The following TANC1 variants were observed in gnomAD, a reference collection of about 807,000 sequenced individuals.
TANC1 encodes the protein protein TANC1.
A neutral mutation model predicts 149.7 loss-of-function variants in TANC1; 77 were observed. The ratio of observed to expected loss-of-function variants is 0.51; its 90% CI spans 0.43 to 0.62. TANC1 has a LOEUF of 0.62. Ranked by LOEUF, TANC1 falls within the 20% of genes least tolerant of loss-of-function variation. The pLI, the probability that TANC1 is intolerant of heterozygous loss-of-function variation, is 0.00. For missense variants in TANC1, 1,985 were observed against 2,321.8 expected (o/e 0.85, Z 2.98); for synonymous variants, 854 against 925.0 (o/e 0.92, Z 1.39).
chr2:159,018,283 G>T (rs1007472970), intron 2 of TANC1, among the ~76,000 whole-genome samples: 1 of 152,108 alleles, frequency 6.6e-6, no homozygotes, highest in Admixed American at 6.5e-5. Context: ...CGAAAAGGAA[G>T]CCCACTGTTC....
At chr2:159,024,747 T>A (rs1449387158) in intron 2 of TANC1, among the ~76,000 whole-genome samples, 3 of 149,398 alleles carry the variant, frequency 2.0e-5, no homozygotes, top group Non-Finnish European at 3.0e-5. Context: ...CAAGACTTCA[T>A]CTCAAAAAAA....
At chr2:159,146,556 T>TC (rs1471735741) in intron 5 of TANC1, among the ~76,000 whole-genome samples, 1 of 146,234 alleles carries the variant, frequency 6.8e-6, no homozygotes, top group African/African-American at 2.6e-5. Flanking sequence ...TTTTTTTTTT[T>TC]TGGAGACAGA....
intron 2 of TANC1, among the ~76,000 whole-genome samples, chr2:159,029,026 G>T (rs560125580): frequency 4.6e-5 from 7 of 152,264 alleles, no homozygotes; most frequent in African/African-American, 1.7e-4. Flanking sequence ...AAAGTGTTGG[G>T]ATTACAGGTG....
At chr2:159,077,240 A>G (rs1048143132) in intron 3 of TANC1, among the ~76,000 whole-genome samples, 6 of 152,180 alleles carry the variant, frequency 3.9e-5, no homozygotes, top group Non-Finnish European at 5.9e-5. Context: ...AATTTTTTGT[A>G]GAGGTGGGGT....
At chr2:159,137,004 G>A (rs777408560) in intron 5 of TANC1, among the ~76,000 whole-genome samples, 10 of 152,084 alleles carry the variant, frequency 6.6e-5, no homozygotes, top group Non-Finnish European at 1.5e-5. Context: ...CCTTTAATTT[G>A]GGTGTTTTGA....
rs1553559680 is a variant in TANC1, at chr2:159,116,454, C to CAACAACAACA, written c.259+18622_259+18623insCAACAACAAA. Among the ~76,000 whole-genome samples the CAACAACAACA allele has an allele frequency of 4.1e-4, 57 of 140,460 alleles. 2 individuals carry two copies. In the South Asian group the frequency reaches 4.4e-3, roughly 11 times the overall value. The allele number at this position is 140,460 out of a possible 152,430, so 92.1% of individuals were successfully genotyped here. A position where few individuals can be genotyped will look rare whatever the true frequency, so the allele number is the denominator to read the frequency against. Reference sequence around the variant, plus strand: ...AAAACAACAACAACAACAACAACAACAAAAAAAAAAAAACAAAGGACCTGT... The same window carrying CAACAACAACA: ...AAAACAACAACAACAACAACAACAACAACAACAACAAAAAAAAAAAAAACAAAGGACCTGT... On this transcript the variant is annotated intron_variant, in intron 4 of 26. Transcript: ENST00000263635.
At chr2:159,006,634 T>C (rs1574076072) in intron 2 of TANC1, among the ~76,000 whole-genome samples, 3 of 152,252 alleles carry the variant, frequency 2.0e-5, no homozygotes, top group African/African-American at 7.2e-5. Context: ...ATTTTCTTTC[T>C]ATACCCCTAG....
At chr2:159,176,652 T>A in intron 13 of TANC1, 134 bp downstream of exon 13, 1 of 720,146 alleles carries the variant, frequency 1.4e-6, no homozygotes, top group Non-Finnish European at 2.2e-6. Flanking sequence ...GAAAAACTAG[T>A]CCAGAGAGCC....
intron 5 of TANC1, 34 bp downstream of exon 5, chr2:159,136,332 C>A: frequency 8.2e-7 from 1 of 1,217,308 alleles, no homozygotes; most frequent in Non-Finnish European, 1.2e-6. Flanking sequence ...CCCCCTCTAC[C>A]AAAGATTTTA....
chr2:159,070,705 C>T (rs62171069), intron 3 of TANC1, among the ~76,000 whole-genome samples: 1,563 of 152,192 alleles, frequency 0.01, 4 homozygotes, highest in Middle Eastern at 0.044. Flanking sequence ...TGAGAGAGCC[C>T]GGAAGAGTGT....
intron 2 of TANC1, among the ~76,000 whole-genome samples, chr2:159,039,158 CT>C (rs2149517423): frequency 6.6e-6 from 1 of 152,240 alleles, no homozygotes; most frequent in South Asian, 2.1e-4. Context: ...ATAGTATTCT[CT>C]GATTGTAGTT....
At chr2:159,221,626 T>C (rs1320361263) in intron 22 of TANC1, among the ~76,000 whole-genome samples, 1 of 152,244 alleles carries the variant, frequency 6.6e-6, no homozygotes, top group Admixed American at 6.5e-5. Context: ...TTAGCCATAA[T>C]GTCCTTCAGC....
At chr2:159,226,145 C>T in intron 24 of TANC1, 1 of 254,902 alleles carries the variant, frequency 3.9e-6, no homozygotes, top group South Asian at 4.4e-5. Flanking sequence ...ACTCCAGCCT[C>T]AGCAACAGAG....
At chr2:158,992,903 T>C (rs2035801039) in intron 1 of TANC1, among the ~76,000 whole-genome samples, 1 of 152,182 alleles carries the variant, frequency 6.6e-6, no homozygotes, top group African/African-American at 2.4e-5. Context: ...TTGTGGAACA[T>C]TGTGATTACT....
At chr2:159,229,018 A>T (rs1021968895) in intron 26 of TANC1, 122 bp downstream of exon 26, 3 of 702,510 alleles carry the variant, frequency 4.3e-6, no homozygotes, top group Non-Finnish European at 7.4e-6. Context: ...CCTTTTTAGT[A>T]GTGAATTAGT....
chr2:159,130,877 T>TAG (rs1201767837), intron 4 of TANC1, among the ~76,000 whole-genome samples: 91 of 152,304 alleles, frequency 6.0e-4, no homozygotes, highest in African/African-American at 2.1e-3. Context: ...TGTCAGTTGC[T>TAG]GTCTTTCAGG....
chr2:159,229,885 T>C lies in TANC1; in HGVS notation c.4459T>C (p.Tyr1487His), dbSNP rs1467735805. 1.9e-6 allele frequency: 3 copies of C among 1,613,970 alleles called. No homozygotes were observed. Among genetic ancestry groups the C allele is most frequent in the African/African-American group, 2.7e-5 (2 of 74,926 alleles). The stretch of plus-strand genomic sequence containing the variant: ...GCCATCCTCATCTGTCCCTTCCTCA[T>C]ACATCCGAAACCTTCAAGAAGGGTT... ...SQPSSSVPSS[Y>H]IRNLQEGLQS... Residue 1487 changes from tyrosine (Y) to histidine (H), a missense_variant, in exon 27 of 27, where the codon TAC becomes CAC. Physicochemically the swap from Tyr to His is moderately conservative, Grantham distance 83 (BLOSUM62 2). Coordinates refer to ENST00000263635, the MANE Select transcript of TANC1 (RefSeq NM_033394.3).
chr2:158,981,160 T>C (rs1179981129), intron 1 of TANC1, among the ~76,000 whole-genome samples: 1 of 152,022 alleles, frequency 6.6e-6, no homozygotes, highest in Non-Finnish European at 1.5e-5. Flanking sequence ...CATTTAAGTT[T>C]AGCAATTCAG....
chr2:159,017,041 A>C (rs1054666900), intron 2 of TANC1, among the ~76,000 whole-genome samples: 2 of 143,536 alleles, frequency 1.4e-5, no homozygotes, highest in Admixed American at 1.4e-4. Flanking sequence ...TGATCCTAGG[A>C]GTATAAAAGT....
Sources: gnomAD v4.1 joint callset for allele counts (sites outside exome capture counted in the v4.1 genomes callset) on GRCh38, gnomAD v4.1.1 for gene constraint, MANE v1.5 for transcripts, NCBI Gene and HGNC (gene_info 2026-07-23, HGNC 2026-07-21) for gene names.